The following SETD1B variants were observed in gnomAD, a reference collection of about 807,000 sequenced individuals.
The protein encoded by SETD1B is SET domain containing 1B, histone lysine methyltransferase.
Under a neutral mutation model 148.0 loss-of-function variants are expected in SETD1B, and 7 were observed. The ratio of observed to expected loss-of-function variants is 0.05; its 90% CI spans 0.03 to 0.09. The LOEUF is 0.09. Among genes scored for constraint, SETD1B ranks in the 10% least tolerant of loss-of-function variants. SETD1B has a pLI of 1.00. For missense variants in SETD1B, 2,155 were observed against 2,729.9 expected, an observed-to-expected ratio of 0.79 and a Z score of 4.69; for synonymous variants, 1,361 against 1,186.5, an observed-to-expected ratio of 1.15 and a Z score of -3.02.
intron 6 of SETD1B, among the ~76,000 whole-genome samples, chr12:121,812,093 C>A (rs965019959): frequency 1.3e-5 from 2 of 151,532 alleles, no homozygotes; most frequent in Non-Finnish European, 2.9e-5. Context: ...ACTGCCCGGC[C>A]GCCAGCGCAG....
chr12:121,805,425 C>T lies in SETD1B; in HGVS notation c.273+209C>T, dbSNP rs1031698764. Among the ~76,000 whole-genome samples, 2 of 152,272 alleles carry T rather than the reference C, an allele frequency of 1.3e-5. No homozygotes were observed. The highest frequency in any genetic ancestry group is 4.1e-4 in the South Asian group (2 of 4,828). On this transcript the variant is annotated intron_variant, in intron 3 of 16. Transcript: ENST00000604567. The surrounding 1 kb of genome is among the most constrained non-coding windows in gnomAD (Gnocchi z 4.2). ...ACACTGGGTGAAACTGTAATCACGG[C>T]GCAGATACAGTGTCCTGCACGCCCC...
rs868172674 is a variant in SETD1B, at chr12:121,827,514, T to C, written c.5338-5T>C. The C allele has an allele frequency of 3.9e-6, 6 of 1,534,806 alleles. No homozygotes were observed. Among genetic ancestry groups the C allele is most frequent in the Non-Finnish European group, 3.5e-6 (4 of 1,140,970 alleles). On this transcript the variant is annotated splice_region_variant and splice_polypyrimidine_tract_variant and intron_variant, in intron 13 of 16. Transcript: ENST00000604567. ...CCGCTGAGCCCCGCACACCGTCCAC[T>C]GCAGGGCATGAGCATCCCAGCACAG... is the stretch of plus-strand genomic sequence containing the variant.
chr12:121,816,646 A>G (rs1876304874), intron 7 of SETD1B, among the ~76,000 whole-genome samples: 1 of 152,228 alleles, frequency 6.6e-6, no homozygotes, highest in Non-Finnish European at 1.5e-5. Context: ...GAGCAGTGAA[A>G]TAAAGCCAGT....
chr12:121,825,146 A>T, intron 12 of SETD1B, 54 bp from the exon 13 acceptor site: 1 of 1,527,344 alleles, frequency 6.5e-7, no homozygotes, highest in Non-Finnish European at 8.9e-7. Flanking sequence ...CCAGTCTATG[A>T]AGGGACCAGA....
At position 121,810,142 on chromosome 12, in the gene SETD1B, G is replaced by A. The variant is rs745770856; in HGVS notation, c.1197G>A (p.Pro399=). Residue 399 remains proline (P), a synonymous_variant, in exon 6 of 17, where the codon CCG becomes CCA. Coordinates refer to ENST00000604567, the MANE Select transcript of SETD1B (RefSeq NM_001353345.2). This position sits in a 1 kb window ranked among gnomAD's most constrained non-coding sequence, Gnocchi z 7.6. ...CTGGATTCAAGTCTGCTTTCTCTCC[G>A]TATCAGACCCCAGTGGCCCACTTCC... is the stretch of plus-strand genomic sequence containing the variant. ...PAPGFKSAFS[P]YQTPVAHFPP... 1.4e-5 allele frequency: 22 copies of A among 1,549,796 alleles called. No individual in the cohort carries two copies. The Admixed American group carries it at 2.4e-4, about 17-fold the overall frequency.
In SETD1B at chr12:121,817,514, T is replaced by C. The variant is rs1413809117; in HGVS notation, c.3122T>C (p.Leu1041Ser). Residue 1041 changes from leucine to serine, a missense_variant, in exon 9 of 17, where the codon TTG becomes TCG. This residue lies in a region of SETD1B where 862 missense variants were observed against 873.8 expected (regional missense o/e 0.99). Transcript: ENST00000604567. This position sits in a 1 kb window ranked among gnomAD's most constrained non-coding sequence, Gnocchi z 8.1. ...GGGGAGGAGGACGAGAAGGAGTCAT[T>C]GTCGGCGTCCTCGTCCTCATCCGCG... Reference protein sequence around the residue: ...SGGEEDEKESLSASSSSSASS... With the variant: ...SGGEEDEKESSSASSSSSASS... 6.4e-7 allele frequency: 1 copy of C among 1,551,398 alleles called. No homozygotes were observed. Among genetic ancestry groups the C allele is most frequent in the Admixed American group, 2.0e-5 (1 of 51,002 alleles).
intron 13 of SETD1B, among the ~76,000 whole-genome samples, chr12:121,825,763 GCCT>G (rs1042162293): frequency 3.9e-5 from 6 of 152,062 alleles, no homozygotes; most frequent in Admixed American, 1.3e-4. Context: ...TCCTGCCTCA[GCCT>G]CCTGAGTAGC....
chr12:121,793,347 AC>A, the SETD1B span: 1 of 1,425,358 alleles, frequency 7.0e-7, no homozygotes, highest in Non-Finnish European at 9.6e-7. Flanking sequence ...GCCCCCCCTC[AC>A]CCCGCTGGGC....
At chr12:121,829,982 AGGCCTGGTTG>A in intron 16 of SETD1B, 74 bp from the exon 17 acceptor site, 1 of 1,313,462 alleles carries the variant, frequency 7.6e-7, no homozygotes, top group Non-Finnish European at 1.0e-6. Context: ...CCTTAAGCAC[AGGCCTGGTTG>A]GGTTTGGGGG....
chr12:121,827,491 G>T (rs1321292326), intron 13 of SETD1B, 28 bp from the exon 14 acceptor site: 4 of 1,510,704 alleles, frequency 2.6e-6, no homozygotes, highest in Non-Finnish European at 3.5e-6. Flanking sequence ...GGCCAGCTCC[G>T]CTGAGCCCCG....
At chr12:121,792,052 AAGAC>A in the SETD1B span, among the ~76,000 whole-genome samples, 1 of 150,244 alleles carries the variant, frequency 6.7e-6, no homozygotes, top group African/African-American at 2.5e-5. Context: ...ACATCCCACA[AAGAC>A]AGGTTCCTCA....
At chr12:121,825,061 C>G in intron 12 of SETD1B, 139 bp from the exon 13 acceptor site, 1 of 824,560 alleles carries the variant, frequency 1.2e-6, no homozygotes, top group Non-Finnish European at 1.9e-6. Flanking sequence ...CGGGCAGCCA[C>G]GTGGAGGTGG....
At chr12:121,791,379 C>T in the SETD1B span, among the ~76,000 whole-genome samples, 1 of 152,106 alleles carries the variant, frequency 6.6e-6, no homozygotes, top group Non-Finnish European at 1.5e-5. Flanking sequence ...TCCTCATGAC[C>T]CTCTTAGTGC....
At chr12:121,813,756 A>AC (rs1447037513) in intron 6 of SETD1B, among the ~76,000 whole-genome samples, 4 of 151,772 alleles carry the variant, frequency 2.6e-5, no homozygotes, top group African/African-American at 9.7e-5. Flanking sequence ...TCCCGTATTC[A>AC]CCCTCATCAT....
At chr12:121,798,605 G>A in the SETD1B span, among the ~76,000 whole-genome samples, 18 of 152,220 alleles carry the variant, frequency 1.2e-4, no homozygotes, top group African/African-American at 4.3e-4. Context: ...CCTAGCCCAT[G>A]GCGAACTATC....
At chr12:121,822,343 G>A (rs757708483) in intron 11 of SETD1B, 147 bp from the exon 12 acceptor site, 175 of 857,908 alleles carry the variant, frequency 2.0e-4, no homozygotes, top group Non-Finnish European at 2.8e-4. Flanking sequence ...GGGCGCTGAG[G>A]AGTCCTTGAG....
chr12:121,815,349 G>A (rs764436356), intron 7 of SETD1B, among the ~76,000 whole-genome samples: 24 of 152,068 alleles, frequency 1.6e-4, no homozygotes, highest in Non-Finnish European at 2.5e-4. Context: ...TCAAGTGCTC[G>A]GGAGCCACAG....
chr12:121,793,742 C>T, the SETD1B span: 4 of 1,032,438 alleles, frequency 3.9e-6, no homozygotes, highest in Non-Finnish European at 5.2e-6. Flanking sequence ...GCAGCGCCGC[C>T]TCCGCCAGGC....
At chr12:121,795,321 G>C in the SETD1B span, 2 of 152,450 alleles carry the variant, frequency 1.3e-5, no homozygotes, top group South Asian at 4.1e-4. Context: ...CCTTCCAGGA[G>C]GTCACAGTCT....
Sources: allele counts gnomAD v4.1 joint callset (sites outside exome capture counted in the v4.1 genomes callset), GRCh38; gene constraint gnomAD v4.1.1; regional missense constraint gnomAD v4.1.1; non-coding constraint Gnocchi (gnomAD v3.1); transcripts MANE v1.5; gene names NCBI Gene and HGNC (gene_info 2026-07-23, HGNC 2026-07-21).